The following FBXW7 variants were observed in gnomAD, a reference collection of about 807,000 sequenced individuals.
FBXW7 encodes F-box and WD repeat domain containing 7.
FBXW7 carries 11 observed loss-of-function variants against 86.3 expected under a neutral mutation model. The ratio of observed to expected loss-of-function variants is 0.13; its 90% confidence interval spans 0.08 to 0.21. The LOEUF (loss-of-function observed/expected upper bound fraction) is 0.21. Ranked by LOEUF, FBXW7 falls within the 10% of genes least tolerant of loss-of-function variation. FBXW7 has a pLI of 1.00. For missense variants in FBXW7, 488 were observed against 847.4 expected, an observed-to-expected ratio of 0.58 and a Z score of 5.27; for synonymous variants, 313 against 297.9, an observed-to-expected ratio of 1.05 and a Z score of -0.52.
intron 2 of FBXW7, among the ~76,000 whole-genome samples, chr4:152,482,926 T>C (rs753219671): frequency 1.3e-5 from 2 of 152,156 alleles, no homozygotes; most frequent in Non-Finnish European, 2.9e-5. Context: ...GCTAAGTAAA[T>C]GAGATCATAC....
rs75932398 is a variant in FBXW7 at position 152,478,126 on chromosome 4, A to G, written c.-120+56815T>C. Among the ~76,000 whole-genome samples the G allele has an allele frequency of 4.1e-4, 63 of 152,238 alleles. 1 individual carries two copies. In the East Asian group the frequency reaches 0.01, roughly 25 times the overall value. On this transcript the variant is annotated intron_variant, in intron 2 of 13. Transcript: ENST00000281708. ...GCCATTTTTAAATGGACAATTCAGTAGCATTGAGTACATTCAGAATGTTGT... is the reference window on the plus strand; with the variant it reads ...GCCATTTTTAAATGGACAATTCAGTGGCATTGAGTACATTCAGAATGTTGT...
At chr4:152,533,189 C>CAA (rs562488751) in intron 2 of FBXW7, among the ~76,000 whole-genome samples, 4 of 112,164 alleles carry the variant, frequency 3.6e-5, no homozygotes, top group South Asian at 2.7e-4. Context: ...GACTCTGTCT[C>CAA]AAAAAAAAAA....
At chr4:152,524,139 C>T (rs1749276754) in intron 2 of FBXW7, among the ~76,000 whole-genome samples, 2 of 152,192 alleles carry the variant, frequency 1.3e-5, no homozygotes. Context: ...CATTATCTCA[C>T]TCAATCCTCT....
chr4:152,475,012 G>A (rs1485168641), intron 2 of FBXW7, among the ~76,000 whole-genome samples: 3 of 151,822 alleles, frequency 2.0e-5, no homozygotes, highest in Non-Finnish European at 2.9e-5. Context: ...TGAAGTGGGA[G>A]AATCACTTGA....
chr4:152,526,922 G>T (rs1305296952), intron 2 of FBXW7, among the ~76,000 whole-genome samples: 1 of 152,100 alleles, frequency 6.6e-6, no homozygotes, highest in Admixed American at 6.5e-5. Context: ...AGTTTTAGAT[G>T]TTTCTGAAAA....
At chr4:152,398,870 A>G (rs927522474) in intron 4 of FBXW7, among the ~76,000 whole-genome samples, 3 of 152,146 alleles carry the variant, frequency 2.0e-5, no homozygotes, top group East Asian at 1.9e-4. Context: ...TAAGATTGAT[A>G]AAATTGTAAC....
chr4:152,510,748 G>T (rs984347903), intron 2 of FBXW7, among the ~76,000 whole-genome samples: 2 of 152,178 alleles, frequency 1.3e-5, no homozygotes, highest in African/African-American at 4.8e-5. Context: ...TACTCACTGA[G>T]GTCAGTCTAT....
In FBXW7 at chr4:152,350,487, C is replaced by T. The variant is rs187108145; in HGVS notation, c.502-363G>A. Among the ~76,000 whole-genome samples the T allele has an allele frequency of 9.9e-3, 1,499 of 151,744 alleles. 13 individuals are homozygous for T. The highest frequency in any genetic ancestry group is 0.041 in the Middle Eastern group (12 of 292). ...CCACACAGAAAATAATCATATTTAA[C>T]GTGCCTTCCTCGTGAATCATTTTTC... On this transcript the variant is annotated intron_variant, in intron 4 of 13. Coordinates refer to ENST00000281708, the MANE Select transcript of FBXW7 (RefSeq NM_001349798.2).
chr4:152,514,895 T>C (rs994306745), intron 2 of FBXW7, among the ~76,000 whole-genome samples: 8 of 152,188 alleles, frequency 5.3e-5, no homozygotes, highest in Non-Finnish European at 8.8e-5. Flanking sequence ...CGGGGGTATG[T>C]GACAGGTGAA....
At position 152,524,790 on chromosome 4, in the gene FBXW7, T is replaced by C. The variant is rs370657786; in HGVS notation, c.-120+10151A>G. Among the ~76,000 whole-genome samples, 6 of 152,310 alleles carry C rather than the reference T, an allele frequency of 3.9e-5. No individual in the cohort carries two copies. The East Asian group carries it at 7.7e-4, about 20-fold the overall frequency. On this transcript the variant is annotated intron_variant, in intron 2 of 13. Coordinates refer to ENST00000281708, the MANE Select transcript of FBXW7 (RefSeq NM_001349798.2). ...TTTGTTTCCTGTCTAAATGTCTAAATCTGGTAATATAAAAGTTTAGTATTT... is the reference window on the plus strand; with the variant it reads ...TTTGTTTCCTGTCTAAATGTCTAAACCTGGTAATATAAAAGTTTAGTATTT...
At chr4:152,327,628 A>G (rs1027510741) in intron 11 of FBXW7, among the ~76,000 whole-genome samples, 1 of 152,080 alleles carries the variant, frequency 6.6e-6, no homozygotes, top group Non-Finnish European at 1.5e-5. Context: ...GTTAGTCAAC[A>G]GTAGGCTCAA....
At chr4:152,411,032 C>T (rs987458280) in intron 4 of FBXW7, 11 of 427,792 alleles carry the variant, frequency 2.6e-5, no homozygotes, top group African/African-American at 1.0e-4. Context: ...CTGCCCGGGA[C>T]GCAAGGTTTA....
intron 4 of FBXW7, among the ~76,000 whole-genome samples, chr4:152,387,196 G>A (rs1405118421): frequency 1.3e-5 from 2 of 152,080 alleles, no homozygotes; most frequent in East Asian, 1.9e-4. Flanking sequence ...TAATATCAAC[G>A]TATGTTATTT....
chr4:152,365,414 G>GA (rs1733388948), intron 4 of FBXW7, among the ~76,000 whole-genome samples: 1 of 152,142 alleles, frequency 6.6e-6, no homozygotes, highest in South Asian at 2.1e-4. Flanking sequence ...AGTAGATGTG[G>GA]AGAGACTGTG....
At chr4:152,337,317 A>T (rs1176360725) in intron 7 of FBXW7, among the ~76,000 whole-genome samples, 1 of 152,006 alleles carries the variant, frequency 6.6e-6, no homozygotes, top group African/African-American at 2.4e-5. Context: ...TATTTAAAAT[A>T]ATTACACAAT....
intron 4 of FBXW7, among the ~76,000 whole-genome samples, chr4:152,396,750 G>A (rs542573576): frequency 6.6e-6 from 1 of 151,980 alleles, no homozygotes; most frequent in Non-Finnish European, 1.5e-5. Context: ...AATTACCTAA[G>A]CTCATGTCAA....
At chr4:152,362,654 G>A (rs991325687) in intron 4 of FBXW7, among the ~76,000 whole-genome samples, 3 of 151,622 alleles carry the variant, frequency 2.0e-5, no homozygotes, top group African/African-American at 4.8e-5. Context: ...GTGAAACCCC[G>A]TCTCCACTGA....
chr4:152,462,570 A>C (rs1163163765), intron 2 of FBXW7, among the ~76,000 whole-genome samples: 1 of 152,222 alleles, frequency 6.6e-6, no homozygotes, highest in African/African-American at 2.4e-5. Context: ...TTCCTATGCC[A>C]CTGAAAGACA....
intron 2 of FBXW7, among the ~76,000 whole-genome samples, chr4:152,482,786 A>AT: frequency 6.6e-6 from 1 of 152,210 alleles, no homozygotes; most frequent in Non-Finnish European, 1.5e-5. Flanking sequence ...CTTTTATTCT[A>AT]TATTTGTCTT....
Sources: gnomAD v4.1 joint callset for allele counts (sites outside exome capture counted in the v4.1 genomes callset) on GRCh38, gnomAD v4.1.1 for gene constraint, MANE v1.5 for transcripts, NCBI Gene and HGNC (gene_info 2026-07-23, HGNC 2026-07-21) for gene names.